COX7B2: variants seen among roughly 807,000 people sequenced by gnomAD.
COX7B2 encodes the protein cytochrome c oxidase subunit 7B2.
For missense variants in COX7B2, 109 were observed against 95.9 expected (o/e 1.14, Z -0.57); for synonymous variants, 37 against 32.1 (o/e 1.15, Z -0.51).
chr4:46,900,410 T>C (rs780347927), intron 1 of COX7B2, among the ~76,000 whole-genome samples: 1 of 152,180 alleles, frequency 6.6e-6, no homozygotes, highest in Admixed American at 6.6e-5. Flanking sequence ...TGTTTTTTCT[T>C]GTTCTCACAT....
intron 2 of COX7B2, among the ~76,000 whole-genome samples, chr4:46,803,471 A>C (rs1036997673): frequency 2.0e-5 from 3 of 152,016 alleles, no homozygotes; most frequent in African/African-American, 7.3e-5. Context: ...CATGCTTCCC[A>C]CTTCATCAAA....
At chr4:46,777,082 T>C (rs1717192836) in intron 2 of COX7B2, among the ~76,000 whole-genome samples, 1 of 152,178 alleles carries the variant, frequency 6.6e-6, no homozygotes, top group Admixed American at 6.5e-5. Context: ...AAATGTAATA[T>C]ATATGTGTGT....
chr4:46,785,710 G>A (rs1046840156), intron 2 of COX7B2, among the ~76,000 whole-genome samples: 1 of 152,122 alleles, frequency 6.6e-6, no homozygotes, highest in Admixed American at 6.5e-5. Flanking sequence ...AAAAGGACAA[G>A]GATAAAAGAA....
At chr4:46,828,669 T>C (rs1406040247) in intron 2 of COX7B2, among the ~76,000 whole-genome samples, 1 of 152,098 alleles carries the variant, frequency 6.6e-6, no homozygotes, top group Non-Finnish European at 1.5e-5. Flanking sequence ...AATCAGTAAA[T>C]CATAAGAAAA....
Position 46,904,383 on chromosome 4 carries a change from CA to C in COX7B2, c.-105+4776del, listed in dbSNP as rs893967443. ...ACAGTAATAAATTCCTAAAAATGGT[CA>C]AAAAAAATGAAAATCACTTCACAGA... On this transcript the variant is annotated intron_variant, in intron 1 of 2. Transcript: ENST00000355591. Among the ~76,000 whole-genome samples, 252 of 151,314 alleles carry C rather than the reference CA, an allele frequency of 1.7e-3. 3 individuals carry two copies. The highest frequency in any genetic ancestry group is 5.8e-3 in the African/African-American group (240 of 41,322).
chr4:46,891,148 C>T (rs532670628), intron 1 of COX7B2, among the ~76,000 whole-genome samples: 6 of 152,136 alleles, frequency 3.9e-5, no homozygotes, highest in Non-Finnish European at 8.8e-5. Context: ...ACCTAAGTAA[C>T]TAGACGTTAC....
At chr4:46,854,804 C>T (rs922639031) in intron 1 of COX7B2, among the ~76,000 whole-genome samples, 3 of 151,696 alleles carry the variant, frequency 2.0e-5, no homozygotes, top group African/African-American at 4.8e-5. Context: ...TTAAAAAGGC[C>T]GCTTACAAAA....
chr4:46,759,284 T>G (rs1033162597), intron 2 of COX7B2, among the ~76,000 whole-genome samples: 1 of 152,084 alleles, frequency 6.6e-6, no homozygotes, highest in Non-Finnish European at 1.5e-5. Flanking sequence ...ATAATGTAAT[T>G]GTTAGAGATC....
chr4:46,788,078 G>A (rs1297216913), intron 2 of COX7B2, among the ~76,000 whole-genome samples: 1 of 152,054 alleles, frequency 6.6e-6, no homozygotes, highest in South Asian at 2.1e-4. Context: ...TTTACAGATT[G>A]AGAAAATAAC....
At chr4:46,764,151 G>A (rs1193894552) in intron 2 of COX7B2, among the ~76,000 whole-genome samples, 1 of 152,122 alleles carries the variant, frequency 6.6e-6, no homozygotes, top group Non-Finnish European at 1.5e-5. Context: ...TGCTTATTAT[G>A]TACAAACTTT....
intron 2 of COX7B2, among the ~76,000 whole-genome samples, chr4:46,837,668 T>C (rs1420021507): frequency 6.6e-6 from 1 of 151,982 alleles, no homozygotes; most frequent in African/African-American, 2.4e-5. Context: ...AATTAAAAAT[T>C]TTACATTATA....
chr4:46,852,297 T>C (rs576400758), intron 1 of COX7B2, among the ~76,000 whole-genome samples: 49 of 152,286 alleles, frequency 3.2e-4, no homozygotes, highest in African/African-American at 1.2e-3. Context: ...TTGTCTCCTA[T>C]GCTCTTGTGA....
At chr4:46,840,826 T>C (rs1337548416) in intron 2 of COX7B2, among the ~76,000 whole-genome samples, 1 of 152,018 alleles carries the variant, frequency 6.6e-6, no homozygotes, top group Admixed American at 6.6e-5. Context: ...TAATTCAGGC[T>C]GGGTGTATGC....
chr4:46,881,796 G>A (rs1053401945), intron 1 of COX7B2, among the ~76,000 whole-genome samples: 11 of 152,050 alleles, frequency 7.2e-5, no homozygotes, highest in Non-Finnish European at 1.3e-4. Context: ...TAGTGATTTT[G>A]GGGGCCCAAG....
intron 2 of COX7B2, among the ~76,000 whole-genome samples, chr4:46,752,217 T>C (rs935892551): frequency 4.6e-5 from 7 of 152,064 alleles, no homozygotes; most frequent in Admixed American, 2.0e-4. Flanking sequence ...TCACACTTTG[T>C]TTGTCTGTTA....
intron 2 of COX7B2, among the ~76,000 whole-genome samples, chr4:46,832,004 C>T (rs1010228360): frequency 6.6e-6 from 1 of 152,126 alleles, no homozygotes; most frequent in Admixed American, 6.5e-5. Flanking sequence ...CAATCAGCAC[C>T]CTGTTAAAAC....
Position 46,881,477 on chromosome 4 carries a change from A to G in COX7B2, c.-105+27683T>C, listed in dbSNP as rs543141173. Among the ~76,000 whole-genome samples, 249 of 152,308 alleles carry G rather than the reference A, an allele frequency of 1.6e-3. 3 individuals carry two copies. Among genetic ancestry groups the G allele is most frequent in the African/African-American group, 5.7e-3 (239 of 41,578 alleles). ...GAGGGGTGACTTTGAATAAAATGGA[A>G]GGCGGCTGAACATGGTGGCTTACGC... On this transcript the variant is annotated intron_variant, in intron 1 of 2. Coordinates refer to ENST00000355591, the MANE Select transcript of COX7B2 (RefSeq NM_130902.3).
chr4:46,870,147 C>T (rs750152596), intron 1 of COX7B2, among the ~76,000 whole-genome samples: 1 of 151,988 alleles, frequency 6.6e-6, no homozygotes, highest in Non-Finnish European at 1.5e-5. Context: ...CTTTCCTCAG[C>T]TTGGTTTATT....
chr4:46,735,209 C>T lies in COX7B2; in HGVS notation c.-17G>A, dbSNP rs561982953. On this transcript the variant is annotated 5_prime_UTR_variant, in exon 3 of 3. Transcript: ENST00000355591. ...AAACATCATGAAGGATTGCAGTTGC[C>T]TTCAGCTACTGGTCTATTTTGTTGC... The T allele has an allele frequency of 5.6e-6, 9 of 1,612,476 alleles. No individual in the cohort carries two copies. The highest frequency in any genetic ancestry group is 4.5e-5 in the East Asian group (2 of 44,872).
Sources: allele counts gnomAD v4.1 joint callset (sites outside exome capture counted in the v4.1 genomes callset), GRCh38; gene constraint gnomAD v4.1.1; transcripts MANE v1.5; gene names NCBI Gene and HGNC (gene_info 2026-07-23, HGNC 2026-07-21).